Variants in FAF1 observed in about 807,000 individuals in gnomAD.
FAF1 encodes the protein FAS-associated factor 1.
Under a neutral mutation model 92.5 loss-of-function variants are expected in FAF1, and 25 were observed. The observed-to-expected ratio is 0.27, with a 90% CI of 0.20 to 0.38. The LOEUF (loss-of-function observed/expected upper bound fraction) is 0.38. Ranked by LOEUF, FAF1 falls within the 10% of genes least tolerant of loss-of-function variation. FAF1 has a pLI of 1.00. For missense variants in FAF1, 636 were observed against 793.3 expected, an observed-to-expected ratio of 0.80 and a Z score of 2.38; for synonymous variants, 234 against 273.2, an observed-to-expected ratio of 0.86 and a Z score of 1.42.
At chr1:50,585,996 T>A (rs1289055853) in intron 9 of FAF1, among the ~76,000 whole-genome samples, 5 of 151,846 alleles carry the variant, frequency 3.3e-5, no homozygotes, top group Non-Finnish European at 7.4e-5. Context: ...AAGGTTGCAG[T>A]GAGCCTTGTT....
chr1:50,607,692 C>G (rs148182693), intron 8 of FAF1, among the ~76,000 whole-genome samples: 1 of 152,302 alleles, frequency 6.6e-6, no homozygotes, highest in African/African-American at 2.4e-5. Flanking sequence ...TTCTGAAAGC[C>G]TTCTATATGA....
At chr1:50,725,760 A>C (rs1443294707) in intron 6 of FAF1, among the ~76,000 whole-genome samples, 1 of 152,106 alleles carries the variant, frequency 6.6e-6, no homozygotes, top group African/African-American at 2.4e-5. Context: ...CTGGCCAAAA[A>C]GCCATATATT....
chr1:50,515,532 C>T lies in FAF1; in HGVS notation c.1494+19837G>A, dbSNP rs568076160. On this transcript the variant is annotated intron_variant, in intron 15 of 18. Coordinates refer to ENST00000396153, the MANE Select transcript of FAF1 (RefSeq NM_007051.3). ...CTCAAAGACCATAGTTTGAAAAGCA[C>T]GGTAGTTCAGACAGCAAACAAAATA... Among the ~76,000 whole-genome samples, 6 of 152,160 alleles carry T rather than the reference C, an allele frequency of 3.9e-5. No individual in the cohort carries two copies. In the South Asian group the frequency reaches 1.0e-3, roughly 26 times the overall value.
chr1:50,636,497 T>C (rs1654017876), intron 8 of FAF1, among the ~76,000 whole-genome samples: 2 of 147,792 alleles, frequency 1.4e-5, no homozygotes, highest in East Asian at 2.1e-4. Context: ...GCGATTCTCC[T>C]GCCTCAGCCT....
intron 1 of FAF1, among the ~76,000 whole-genome samples, chr1:50,910,217 T>C (rs1276187161): frequency 1.3e-5 from 2 of 152,120 alleles, no homozygotes; most frequent in African/African-American, 4.8e-5. Context: ...GAACGGCAAA[T>C]GTTGCTGCCT....
intron 5 of FAF1, 108 bp downstream of exon 5, chr1:50,744,576 T>G: frequency 1.4e-6 from 1 of 710,660 alleles, no homozygotes; most frequent in Non-Finnish European, 2.4e-6. Flanking sequence ...TATTGCCAAA[T>G]CTACTACTGC....
intron 3 of FAF1, among the ~76,000 whole-genome samples, chr1:50,790,861 A>C (rs1661538480): frequency 6.6e-6 from 1 of 152,164 alleles, no homozygotes; most frequent in African/African-American, 2.4e-5. Flanking sequence ...TATAGATTAC[A>C]TAGTCGACTT....
chr1:50,883,786 G>T (rs1268539300), intron 1 of FAF1, among the ~76,000 whole-genome samples: 1 of 152,160 alleles, frequency 6.6e-6, no homozygotes, highest in Non-Finnish European at 1.5e-5. Flanking sequence ...GATTTTAGAA[G>T]ATATTATGGA....
chr1:50,739,430 G>A (rs967601885), intron 5 of FAF1, among the ~76,000 whole-genome samples: 1 of 151,898 alleles, frequency 6.6e-6, no homozygotes, highest in Admixed American at 6.6e-5. Flanking sequence ...GTATGTGTAT[G>A]TGTGTATATA....
intron 1 of FAF1, among the ~76,000 whole-genome samples, chr1:50,885,477 A>G (rs943365935): frequency 2.0e-5 from 3 of 151,810 alleles, no homozygotes; most frequent in African/African-American, 7.3e-5. Context: ...CCTGAACTTT[A>G]TTTTGTCTGA....
At chr1:50,948,264 T>C (rs78251121) in intron 1 of FAF1, among the ~76,000 whole-genome samples, 2 of 152,326 alleles carry the variant, frequency 1.3e-5, no homozygotes, top group African/African-American at 2.4e-5. Context: ...TGTTAGTCCA[T>C]TCTTGTGTTG....
intron 13 of FAF1, among the ~76,000 whole-genome samples, chr1:50,540,526 A>G (rs1438912015): frequency 6.6e-6 from 1 of 152,202 alleles, no homozygotes; most frequent in Non-Finnish European, 1.5e-5. Flanking sequence ...AGATAAAAAT[A>G]ATAATTCTAA....
At chr1:50,792,391 G>A (rs949340925) in intron 3 of FAF1, among the ~76,000 whole-genome samples, 1 of 152,116 alleles carries the variant, frequency 6.6e-6, no homozygotes, top group African/African-American at 2.4e-5. Context: ...AAGGAGTGAG[G>A]CCCTAAGATA....
intron 17 of FAF1, among the ~76,000 whole-genome samples, chr1:50,484,582 C>T (rs1288640813): frequency 1.3e-5 from 2 of 152,024 alleles, no homozygotes; most frequent in South Asian, 4.2e-4. Context: ...ATTAATTGTG[C>T]GATAGTGGTG....
intron 13 of FAF1, among the ~76,000 whole-genome samples, chr1:50,544,209 C>T (rs1368514471): frequency 1.3e-5 from 2 of 152,226 alleles, no homozygotes; most frequent in East Asian, 3.9e-4. Context: ...CAAACCATAG[C>T]ATAATCCTAA....
At chr1:50,793,890 G>A (rs935112882) in intron 3 of FAF1, among the ~76,000 whole-genome samples, 5 of 152,198 alleles carry the variant, frequency 3.3e-5, no homozygotes, top group Non-Finnish European at 5.9e-5. Context: ...AATCTGAAAT[G>A]TTCCAAAATC....
At chr1:50,559,574 G>A (rs920685089) in intron 13 of FAF1, among the ~76,000 whole-genome samples, 10 of 152,186 alleles carry the variant, frequency 6.6e-5, no homozygotes, top group African/African-American at 1.4e-4. Context: ...AAGAACACAC[G>A]GCATTGTTTG....
chr1:50,664,292 G>A (rs1047436935), intron 7 of FAF1, among the ~76,000 whole-genome samples: 2 of 149,172 alleles, frequency 1.3e-5, no homozygotes, highest in East Asian at 2.0e-4. Flanking sequence ...CACTGTGCCC[G>A]GCCAATCTTT....
At chr1:50,616,804 C>A (rs1406009346) in intron 8 of FAF1, among the ~76,000 whole-genome samples, 1 of 151,970 alleles carries the variant, frequency 6.6e-6, no homozygotes, top group East Asian at 1.9e-4. Context: ...CCTCAGTCTC[C>A]TGAGTAGCTG....
Sources: gnomAD v4.1 joint callset for allele counts (sites outside exome capture counted in the v4.1 genomes callset) on GRCh38, gnomAD v4.1.1 for gene constraint, MANE v1.5 for transcripts, NCBI Gene and HGNC (gene_info 2026-07-23, HGNC 2026-07-21) for gene names.